The following CSMD1 variants were observed in gnomAD, a reference collection of about 807,000 sequenced individuals.
The protein encoded by CSMD1 is CUB and sushi domain-containing protein 1.
In CSMD1, 213 loss-of-function variants were observed where a neutral mutation model predicts 417.5. The ratio of observed to expected loss-of-function variants is 0.51; its 90% confidence interval spans 0.46 to 0.57. The LOEUF is 0.57. Ranked by LOEUF, CSMD1 falls within the 20% of genes least tolerant of loss-of-function variation. CSMD1 has a pLI of 0.00. For synonymous variants in CSMD1, 2,862 were observed against 1,736.8 expected (o/e 1.65, Z -16.11); for missense variants, 6,923 against 4,529.7 (o/e 1.53, Z -15.17).
At chr8:3,100,031 G>A (rs1233821152) in intron 46 of CSMD1, among the ~76,000 whole-genome samples, 1 of 138,228 alleles carries the variant, frequency 7.2e-6, no homozygotes, top group Non-Finnish European at 1.6e-5. Context: ...GTGTTTTGAG[G>A]TTTGGTTTTG....
chr8:3,518,607 G>C (rs1342597656), intron 10 of CSMD1, among the ~76,000 whole-genome samples: 4 of 152,112 alleles, frequency 2.6e-5, no homozygotes, highest in Non-Finnish European at 5.9e-5. Context: ...AAATAACTCA[G>C]AATTGGGAGT....
chr8:3,886,061 A>AT (rs573038381), intron 5 of CSMD1, among the ~76,000 whole-genome samples: 1 of 151,686 alleles, frequency 6.6e-6, no homozygotes, highest in East Asian at 1.9e-4. Context: ...ATTTATTATT[A>AT]TTTTTTTGAG....
At chr8:4,221,000 T>A (rs1800997940) in intron 3 of CSMD1, among the ~76,000 whole-genome samples, 1 of 152,168 alleles carries the variant, frequency 6.6e-6, no homozygotes, top group Non-Finnish European at 1.5e-5. Flanking sequence ...TCCTCTGCCA[T>A]GCCATGTGCC....
intron 2 of CSMD1, among the ~76,000 whole-genome samples, chr8:4,545,285 A>C (rs1432826829): frequency 6.6e-6 from 1 of 152,194 alleles, no homozygotes; most frequent in Non-Finnish European, 1.5e-5. Flanking sequence ...AAGATGAAAT[A>C]CTTGTTGCAA....
At position 4,024,826 on chromosome 8, in the gene CSMD1, G is replaced by A. The variant is rs532449325; in HGVS notation, c.610+7079C>T. Among the ~76,000 whole-genome samples the A allele has an allele frequency of 4.3e-4, 65 of 152,286 alleles. No homozygotes were observed. The South Asian group carries it at 0.013, about 31-fold the overall frequency. Reference sequence around the variant, plus strand: ...GGAACTTCCTGAGTATGACTTCAGGGATCTAAGCTCTGCAATGCTGCTGAG... The same window carrying A: ...GGAACTTCCTGAGTATGACTTCAGGAATCTAAGCTCTGCAATGCTGCTGAG... On this transcript the variant is annotated intron_variant, in intron 4 of 69. Transcript: ENST00000635120.
intron 10 of CSMD1, among the ~76,000 whole-genome samples, chr8:3,552,564 G>T (rs1798963795): frequency 6.6e-6 from 1 of 152,098 alleles, no homozygotes; most frequent in African/African-American, 2.4e-5. Context: ...CATAAGGTGG[G>T]GGGCATTGTG....
chr8:3,660,119 T>C (rs187537712), intron 7 of CSMD1, among the ~76,000 whole-genome samples: 5 of 152,344 alleles, frequency 3.3e-5, no homozygotes, highest in Non-Finnish European at 7.3e-5. Flanking sequence ...CATTTTATAG[T>C]TTGCAAAATA....
rs1020340460 is a variant in CSMD1, at chr8:4,440,435, G to A, written c.303-20370C>T. Among the ~76,000 whole-genome samples, 7 of 151,950 alleles carry A rather than the reference G, an allele frequency of 4.6e-5. No homozygotes were observed. The South Asian group carries it at 6.2e-4, about 14-fold the overall frequency. On this transcript the variant is annotated intron_variant, in intron 2 of 69. Coordinates refer to ENST00000635120, the MANE Select transcript of CSMD1 (RefSeq NM_033225.6). Reference sequence around the variant, plus strand: ...ATATCTAATTATCCCTTTTCCCCCAGCACAAAATCATTGTTCATCTTGTTA... The same window carrying A: ...ATATCTAATTATCCCTTTTCCCCCAACACAAAATCATTGTTCATCTTGTTA...
chr8:3,046,793 C>G (rs1259069871), intron 50 of CSMD1, among the ~76,000 whole-genome samples: 1 of 152,214 alleles, frequency 6.6e-6, no homozygotes, highest in Non-Finnish European at 1.5e-5. Flanking sequence ...TCACATATGG[C>G]AAATTCTTTG....
intron 2 of CSMD1, among the ~76,000 whole-genome samples, chr8:4,556,364 A>C (rs1798087543): frequency 6.6e-6 from 1 of 152,192 alleles, no homozygotes; most frequent in Non-Finnish European, 1.5e-5. Flanking sequence ...GATGTCCAAA[A>C]ATAACTGTAT....
chr8:3,537,790 G>A (rs566852296), intron 10 of CSMD1, among the ~76,000 whole-genome samples: 1 of 152,156 alleles, frequency 6.6e-6, no homozygotes, highest in African/African-American at 2.4e-5. Context: ...CAATTAAAGA[G>A]TCTCATCCAT....
intron 47 of CSMD1, among the ~76,000 whole-genome samples, chr8:3,095,657 T>G (rs1815246036): frequency 6.6e-6 from 1 of 152,198 alleles, no homozygotes; most frequent in African/African-American, 2.4e-5. Context: ...ATAATTTATT[T>G]TTTTCACTGA....
chr8:3,588,336 T>G (rs62473895), intron 8 of CSMD1, among the ~76,000 whole-genome samples: 20 of 151,986 alleles, frequency 1.3e-4, no homozygotes, highest in Non-Finnish European at 2.6e-4. Flanking sequence ...CAAAAAGTCA[T>G]AAAGCACCAT....
At chr8:4,148,394 G>C (rs531884160) in intron 3 of CSMD1, among the ~76,000 whole-genome samples, 3 of 150,826 alleles carry the variant, frequency 2.0e-5, no homozygotes, top group South Asian at 4.2e-4. Context: ...CGGAGGAATA[G>C]CATTAGGAGA....
intron 11 of CSMD1, among the ~76,000 whole-genome samples, chr8:3,473,917 T>C (rs1274676866): frequency 6.6e-6 from 1 of 152,108 alleles, no homozygotes; most frequent in Non-Finnish European, 1.5e-5. Flanking sequence ...AAGGCACGTC[T>C]TACATGGCAG....
chr8:4,346,385 C>T (rs182754639), intron 3 of CSMD1, among the ~76,000 whole-genome samples: 9 of 152,292 alleles, frequency 5.9e-5, no homozygotes, highest in Non-Finnish European at 1.0e-4. Context: ...TTACCTGACC[C>T]CACAGCCGAG....
At chr8:4,861,862 C>A (rs1289180647) in intron 1 of CSMD1, among the ~76,000 whole-genome samples, 1 of 152,020 alleles carries the variant, frequency 6.6e-6, no homozygotes, top group African/African-American at 2.4e-5. Flanking sequence ...GGTTAGTTCT[C>A]AAGAAGCAGA....
At chr8:4,451,775 A>G (rs1585098490) in intron 2 of CSMD1, among the ~76,000 whole-genome samples, 1 of 152,152 alleles carries the variant, frequency 6.6e-6, no homozygotes, top group East Asian at 1.9e-4. Context: ...CATCAGTAGT[A>G]TTTGAGCAGG....
chr8:3,443,000 T>A (rs567141075), intron 12 of CSMD1, among the ~76,000 whole-genome samples: 1 of 152,320 alleles, frequency 6.6e-6, no homozygotes, highest in East Asian at 1.9e-4. Flanking sequence ...CCTCTTTCTA[T>A]AGGAACTTGC....
Sources: allele counts gnomAD v4.1 joint callset (sites outside exome capture counted in the v4.1 genomes callset), GRCh38; gene constraint gnomAD v4.1.1; transcripts MANE v1.5; gene names NCBI Gene and HGNC (gene_info 2026-07-23, HGNC 2026-07-21).